CDH22: variants seen among roughly 807,000 people sequenced by gnomAD.
The protein encoded by CDH22 is cadherin-22.
In CDH22, 30 loss-of-function variants were observed where a neutral mutation model predicts 58.4. That is an observed-to-expected ratio of 0.51 (90% CI 0.38 to 0.70). CDH22 has a LOEUF of 0.70. Ranked by LOEUF, CDH22 falls within the 30% of genes least tolerant of loss-of-function variation. CDH22 has a pLI of 0.00. For missense variants in CDH22, 1,014 were observed against 1,233.9 expected (o/e 0.82, Z 2.67); for synonymous variants, 513 against 558.2 (o/e 0.92, Z 1.14).
At chr20:46,264,855 ACACACACACACCGTGCG>A (rs1341011347) in intron 1 of CDH22, among the ~76,000 whole-genome samples, 5 of 148,118 alleles carry the variant, frequency 3.4e-5, no homozygotes, top group Admixed American at 6.6e-5. Flanking sequence ...CACACCGTGC[ACACACACACACCGTGCG>A]CACACACACA....
chr20:46,182,373 G>C (rs1443449743), intron 10 of CDH22, among the ~76,000 whole-genome samples: 2 of 152,220 alleles, frequency 1.3e-5, no homozygotes, highest in Non-Finnish European at 2.9e-5. Flanking sequence ...AGAACAGCCA[G>C]GAAGCTCTCG....
intron 8 of CDH22, among the ~76,000 whole-genome samples, chr20:46,198,393 C>A (rs752137622): frequency 3.3e-5 from 5 of 152,094 alleles, no homozygotes; most frequent in Non-Finnish European, 4.4e-5. Flanking sequence ...CTCCATCTCT[C>A]CCCGGGACAT....
intron 7 of CDH22, among the ~76,000 whole-genome samples, chr20:46,203,505 G>C (rs1015805720): frequency 1.1e-4 from 17 of 152,232 alleles, no homozygotes; most frequent in African/African-American, 4.1e-4. Context: ...AGAGGCAGCA[G>C]CTCAGCCCTG....
rs1295473916 is a variant in CDH22, at chr20:46,279,833, C to T, written c.-399-28140G>A. 4.6e-5 allele frequency among the ~76,000 whole-genome samples: 7 copies of T among 152,278 alleles called. No homozygotes were observed. The South Asian group carries it at 6.2e-4, about 14-fold the overall frequency. ...TTTATTTAAATAATTTCTGCCCTGC[C>T]TATTTCACTAAATTGTTTGGAGGAT... On this transcript the variant is annotated intron_variant, in intron 1 of 11. Coordinates refer to ENST00000537909, the MANE Select transcript of CDH22 (RefSeq NM_021248.3).
intron 3 of CDH22, among the ~76,000 whole-genome samples, chr20:46,238,415 C>G (rs2086268576): frequency 6.6e-6 from 1 of 152,198 alleles, no homozygotes; most frequent in Admixed American, 6.5e-5. Flanking sequence ...CTCTGAAATT[C>G]CATATGTCTT....
At chr20:46,248,487 TG>T (rs1468055907) in intron 2 of CDH22, among the ~76,000 whole-genome samples, 3 of 152,148 alleles carry the variant, frequency 2.0e-5, no homozygotes, top group Non-Finnish European at 2.9e-5. Flanking sequence ...AAAATCAGGC[TG>T]GGGTTGACCT....
At chr20:46,195,892 C>T (rs923634937) in intron 8 of CDH22, among the ~76,000 whole-genome samples, 6 of 152,140 alleles carry the variant, frequency 3.9e-5, no homozygotes, top group Admixed American at 2.0e-4. Context: ...CAACATTCTC[C>T]GAGGTGCTCA....
chr20:46,240,979 G>T lies in CDH22; in HGVS notation c.534C>A (p.Ala178=), dbSNP rs150593171. The T allele has an allele frequency of 6.2e-7, 1 of 1,612,242 alleles. No homozygotes were observed. The highest frequency in any genetic ancestry group is 1.3e-5 in the African/African-American group (1 of 74,882). ...ACAGCCCACCTGTAGGTGAGAGCTC[G>T]GCCACGCTGCCAATATAGGGGCCGT... ...FLHGPYIGSV[A]ELSPTGTSVM... is the part of the protein sequence containing the mutation. The change falls in exon 3 of 12, where the codon GCC becomes GCA. Residue 178 remains alanine (A), a synonymous_variant. Transcript: ENST00000537909.
chr20:46,188,180 C>T (rs954511793), intron 8 of CDH22, among the ~76,000 whole-genome samples: 28 of 152,160 alleles, frequency 1.8e-4, no homozygotes, highest in African/African-American at 6.0e-4. Context: ...GAATTCCAGG[C>T]GTGGCTGTGT....
chr20:46,208,341 C>T (rs2086015697), intron 7 of CDH22, among the ~76,000 whole-genome samples: 1 of 152,224 alleles, frequency 6.6e-6, no homozygotes, highest in Non-Finnish European at 1.5e-5. Flanking sequence ...CTTCCAGGGA[C>T]CCCAGCTGCC....
At chr20:46,237,320 C>T (rs2086260455) in intron 3 of CDH22, among the ~76,000 whole-genome samples, 1 of 152,144 alleles carries the variant, frequency 6.6e-6, no homozygotes, top group Non-Finnish European at 1.5e-5. Flanking sequence ...CGGAGGCCCC[C>T]CGGCACACTT....
At chr20:46,190,464 C>T (rs866436206) in intron 8 of CDH22, among the ~76,000 whole-genome samples, 3 of 152,204 alleles carry the variant, frequency 2.0e-5, no homozygotes, top group Admixed American at 6.5e-5. Flanking sequence ...AGACCCAGGC[C>T]CAAGTGGATC....
At chr20:46,271,279 A>G (rs889332437) in intron 1 of CDH22, among the ~76,000 whole-genome samples, 1 of 152,192 alleles carries the variant, frequency 6.6e-6, no homozygotes, top group Non-Finnish European at 1.5e-5. Flanking sequence ...TTTGCAACAG[A>G]GGAAATGGCC....
At chr20:46,304,489 T>C (rs914055569) in intron 1 of CDH22, among the ~76,000 whole-genome samples, 4 of 152,192 alleles carry the variant, frequency 2.6e-5, no homozygotes, top group African/African-American at 9.7e-5. Flanking sequence ...TCAGGCTGGT[T>C]GGACTCCAAT....
intron 1 of CDH22, among the ~76,000 whole-genome samples, chr20:46,299,445 G>T (rs942348702): frequency 1.3e-5 from 2 of 152,218 alleles, no homozygotes; most frequent in Non-Finnish European, 2.9e-5. Context: ...CCTGATGGTG[G>T]GAGGGCTAGG....
At chr20:46,209,827 G>GT (rs3092332) in intron 7 of CDH22, 1,562 of 153,416 alleles carry the variant, frequency 0.01, 25 homozygotes, top group African/African-American at 0.034. Flanking sequence ...AAACTGGTGG[G>GT]TTTTTTTTTT....
At chr20:46,293,961 G>A (rs1288810578) in intron 1 of CDH22, among the ~76,000 whole-genome samples, 1 of 152,186 alleles carries the variant, frequency 6.6e-6, no homozygotes, top group Non-Finnish European at 1.5e-5. Context: ...GTTGCAGTGA[G>A]CCGAGACTGC....
At chr20:46,185,528 A>G (rs1051957001) in intron 10 of CDH22, among the ~76,000 whole-genome samples, 3 of 151,998 alleles carry the variant, frequency 2.0e-5, no homozygotes, top group African/African-American at 7.3e-5. Flanking sequence ...AAATGGGGAG[A>G]GGAGTCAGAA....
intron 3 of CDH22, among the ~76,000 whole-genome samples, chr20:46,237,022 T>A (rs1250637578): frequency 6.6e-6 from 1 of 152,230 alleles, no homozygotes; most frequent in Non-Finnish European, 1.5e-5. Flanking sequence ...TTTATTTGGA[T>A]ATTATACATT....
Sources: allele counts gnomAD v4.1 joint callset (sites outside exome capture counted in the v4.1 genomes callset), GRCh38; gene constraint gnomAD v4.1.1; transcripts MANE v1.5; gene names NCBI Gene and HGNC (gene_info 2026-07-23, HGNC 2026-07-21).